WDFY4: variants seen among roughly 807,000 people sequenced by gnomAD.
WDFY4 encodes the protein WDFY family member 4.
A neutral mutation model predicts 351.9 loss-of-function variants in WDFY4; 169 were observed. The ratio of observed to expected loss-of-function variants is 0.48; its 90% confidence interval spans 0.42 to 0.55. The LOEUF (loss-of-function observed/expected upper bound fraction) is 0.55, where lower values mean the gene tolerates loss of function less well. Among genes scored for constraint, WDFY4 ranks in the 20% least tolerant of loss-of-function variants. The pLI is 0.00. For missense variants in WDFY4, 3,803 were observed against 3,935.6 expected (o/e 0.97, Z 0.90); for synonymous variants, 1,622 against 1,574.6 (o/e 1.03, Z -0.71).
rs147807431 is a variant in WDFY4 at position 48,780,483 on chromosome 10, C to T, written c.3576+364C>T. Among the ~76,000 whole-genome samples the T allele has an allele frequency of 3.9e-5, 6 of 152,216 alleles. No homozygotes were observed. In the East Asian group the frequency reaches 5.8e-4, roughly 15 times the overall value. On this transcript the variant is annotated intron_variant, in intron 19 of 61. Transcript: ENST00000325239. ...GGTCTGGGCAGGGCCTAAGGTATGA[C>T]TTTTCCAAGAAGCTCCCAGGTGAGG...
intron 6 of WDFY4, 117 bp from the exon 7 acceptor site, chr10:48,727,353 G>T: frequency 9.1e-7 from 1 of 1,103,064 alleles, no homozygotes; most frequent in Admixed American, 2.6e-5. Flanking sequence ...ACATGTTTTG[G>T]ATTAATTCCC....
At position 48,720,127 on chromosome 10, in the gene WDFY4, T is replaced by A; in HGVS notation, c.349+2T>A. 1 of 1,551,480 alleles carries A rather than the reference T, an allele frequency of 6.4e-7. No individual in the cohort carries two copies. The highest frequency in any genetic ancestry group is 8.7e-7 in the Non-Finnish European group (1 of 1,146,858). On this transcript the variant is annotated splice_donor_variant, in intron 3 of 61. Coordinates refer to ENST00000325239, the MANE Select transcript of WDFY4 (RefSeq NM_001394531.1). LOFTEE classifies it high-confidence loss of function. ...AGGCCCTTGTGGGGAAGCCTGCGGG[T>A]AAGAGCATGGAGGTGCTGGCAGACC...
intron 20 of WDFY4, among the ~76,000 whole-genome samples, chr10:48,787,897 CTT>C (rs2066499234): frequency 1.2e-4 from 3 of 26,082 alleles, no homozygotes; most frequent in African/African-American, 1.8e-4. Flanking sequence ...TCTTCTCCTT[CTT>C]CTTCTTCTTC....
At chr10:48,824,240 C>T (rs2067921689) in intron 35 of WDFY4, 1 of 956,894 alleles carries the variant, frequency 1.0e-6, no homozygotes. Context: ...ACCACCCAGC[C>T]TCTCTGACCC....
intron 47 of WDFY4, among the ~76,000 whole-genome samples, chr10:48,924,033 C>A (rs2133611905): frequency 6.6e-6 from 1 of 152,360 alleles, no homozygotes; most frequent in Non-Finnish European, 1.5e-5. Context: ...ACAGAGAACT[C>A]CTCCGTTAAG....
At chr10:48,784,763 A>G (rs1455599403) in intron 19 of WDFY4, among the ~76,000 whole-genome samples, 2 of 148,754 alleles carry the variant, frequency 1.3e-5, no homozygotes, top group African/African-American at 2.5e-5. Context: ...GATGGTCTCA[A>G]TCTCCTGACC....
intron 13 of WDFY4, among the ~76,000 whole-genome samples, chr10:48,766,305 A>G (rs973861214): frequency 6.6e-6 from 1 of 152,204 alleles, no homozygotes; most frequent in Non-Finnish European, 1.5e-5. Context: ...AAAAGAGCAA[A>G]TAGGGCCAGT....
intron 12 of WDFY4, among the ~76,000 whole-genome samples, chr10:48,758,352 CT>C (rs932636122): frequency 6.6e-6 from 1 of 152,008 alleles, no homozygotes; most frequent in African/African-American, 2.4e-5. Flanking sequence ...TTAAAATTTT[CT>C]TTAGTGTTCA....
chr10:48,847,646 A>C (rs551688154), intron 39 of WDFY4, among the ~76,000 whole-genome samples: 1 of 152,154 alleles, frequency 6.6e-6, no homozygotes, highest in African/African-American at 2.4e-5. Context: ...GACACCTCCC[A>C]CCTGTCTAAG....
intron 52 of WDFY4, 88 bp downstream of exon 52, chr10:48,957,370 C>T (rs1339517621): frequency 6.8e-7 from 1 of 1,470,468 alleles, no homozygotes; most frequent in African/African-American, 1.4e-5. Flanking sequence ...ATCATCTGGA[C>T]CTTTGCTAGG....
intron 31 of WDFY4, among the ~76,000 whole-genome samples, chr10:48,816,699 G>T (rs562620313): frequency 6.6e-6 from 1 of 152,236 alleles, no homozygotes; most frequent in East Asian, 1.9e-4. Context: ...TTAAAACAAA[G>T]AAAATATGTA....
At chr10:48,905,660 C>G (rs1409880160) in intron 47 of WDFY4, among the ~76,000 whole-genome samples, 1 of 152,218 alleles carries the variant, frequency 6.6e-6, no homozygotes, top group Admixed American at 6.5e-5. Context: ...GAATGCTCAT[C>G]TCAGTTCATG....
At chr10:48,746,588 T>A (rs1007691938) in intron 12 of WDFY4, among the ~76,000 whole-genome samples, 1 of 152,192 alleles carries the variant, frequency 6.6e-6, no homozygotes, top group East Asian at 1.9e-4. Flanking sequence ...ATATTTGGAA[T>A]GATTTCTACT....
At chr10:48,862,189 A>G (rs1412102399) in intron 39 of WDFY4, among the ~76,000 whole-genome samples, 1 of 152,210 alleles carries the variant, frequency 6.6e-6, no homozygotes, top group Non-Finnish European at 1.5e-5. Flanking sequence ...TGTCTTCCTT[A>G]ACTCAGTTTG....
chr10:48,760,225 T>C, intron 12 of WDFY4, 122 bp from the exon 13 acceptor site: 1 of 845,646 alleles, frequency 1.2e-6, no homozygotes. Flanking sequence ...CAATGTCATC[T>C]AGGTAATAAG....
At chr10:48,914,035 T>C (rs751316220) in intron 47 of WDFY4, 1 of 1,614,028 alleles carries the variant, frequency 6.2e-7, no homozygotes, top group African/African-American at 1.3e-5. Flanking sequence ...TTGGGGAAGG[T>C]GGTAATTCCC....
chr10:48,754,952 A>C (rs1294156553), intron 12 of WDFY4, among the ~76,000 whole-genome samples: 1 of 152,174 alleles, frequency 6.6e-6, no homozygotes, highest in Non-Finnish European at 1.5e-5. Context: ...ATTCACATGA[A>C]GTAAAAGTCT....
intron 22 of WDFY4, 118 bp downstream of exon 22, chr10:48,790,103 T>A: frequency 1.0e-6 from 1 of 983,260 alleles, no homozygotes; most frequent in Non-Finnish European, 1.6e-6. Flanking sequence ...GGAACCAGGG[T>A]CGGGAGGACC....
rs112196400 is a variant in WDFY4, at chr10:48,692,339, C to T, written c.-18+7338C>T. 7.7e-3 allele frequency among the ~76,000 whole-genome samples: 1,167 copies of T among 152,256 alleles called. 7 individuals carry two copies. Among genetic ancestry groups the T allele is most frequent in the African/African-American group, 0.026 (1,092 of 41,546 alleles). On this transcript the variant is annotated intron_variant, in intron 1 of 61. Coordinates refer to ENST00000325239, the MANE Select transcript of WDFY4 (RefSeq NM_001394531.1). ...TATCCGAGTGACAGGAACAGAAGGG[C>T]GGGACAGTGCCCCTAGGTGAGTCTA... is the stretch of plus-strand genomic sequence containing the variant.
Sources: gnomAD v4.1 joint callset for allele counts (sites outside exome capture counted in the v4.1 genomes callset) on GRCh38, gnomAD v4.1.1 for gene constraint, MANE v1.5 for transcripts, NCBI Gene and HGNC (gene_info 2026-07-23, HGNC 2026-07-21) for gene names.